MET: variants seen among roughly 807,000 people sequenced by gnomAD.
MET encodes the protein MET proto-oncogene, receptor tyrosine kinase.
A neutral mutation model predicts 133.1 loss-of-function variants in MET; 48 were observed. The observed-to-expected ratio is 0.36, with a 90% CI of 0.29 to 0.46. MET has a LOEUF of 0.46. MET is among the 20% of genes least tolerant of loss of function. The pLI, the probability that MET is intolerant of heterozygous loss-of-function variation, is 1.00. For missense variants in MET, 1,442 were observed against 1,695.9 expected, an observed-to-expected ratio of 0.85 and a Z score of 2.63; for synonymous variants, 628 against 616.5, an observed-to-expected ratio of 1.02 and a Z score of -0.28.
In MET at chr7:116,757,752, G is replaced by A. The variant is rs2116925025; in HGVS notation, c.2080G>A (p.Gly694Arg). ...SGNSRHISIGGKTCTLKSVSN... is the reference protein window; with the variant it reads ...SGNSRHISIGRKTCTLKSVSN... ...GAATTCTAGACACATTTCAATTGGTGGAAAAACATGTACTTTAAAAAGGTG... is the reference window on the plus strand; with the variant it reads ...GAATTCTAGACACATTTCAATTGGTAGAAAAACATGTACTTTAAAAAGGTG... Residue 694 changes from glycine (G) to arginine (R), a missense_variant, in exon 8 of 21, where the codon GGA (glycine) becomes AGA (arginine). Gly to Arg is a moderately radical substitution (Grantham distance 125, BLOSUM62 -2). This residue lies in a region of MET where 514 missense variants were observed against 659.6 expected (regional missense o/e 0.78). Transcript: ENST00000397752. The A allele has an allele frequency of 6.2e-7, 1 of 1,613,796 alleles. No individual in the cohort carries two copies. The highest frequency in any genetic ancestry group is 8.5e-7 in the Non-Finnish European group (1 of 1,179,858).
chr7:116,695,682 C>G, intron 1 of MET: 4 of 420,570 alleles, frequency 9.5e-6, no homozygotes, highest in South Asian at 7.3e-5. Flanking sequence ...AATCTTGGTT[C>G]TAACTGTGTG....
At chr7:116,781,046 C>G (rs914502628) in intron 17 of MET, among the ~76,000 whole-genome samples, 1 of 152,222 alleles carries the variant, frequency 6.6e-6, no homozygotes, top group Non-Finnish European at 1.5e-5. Context: ...CTAACCTCCT[C>G]CTTTATCAGG....
intron 2 of MET, among the ~76,000 whole-genome samples, chr7:116,709,354 A>C (rs1791911099): frequency 6.6e-6 from 1 of 152,176 alleles, no homozygotes; most frequent in South Asian, 2.1e-4. Flanking sequence ...TGTTGATTTT[A>C]TTTGATATAA....
At chr7:116,723,373 A>G (rs1268692132) in intron 2 of MET, among the ~76,000 whole-genome samples, 1 of 149,052 alleles carries the variant, frequency 6.7e-6, no homozygotes, top group Non-Finnish European at 1.5e-5. Flanking sequence ...TATTCTAGTT[A>G]TACATTCTTC....
chr7:116,701,423 A>G lies in MET; in HGVS notation c.1200+1139A>G, dbSNP rs557573157. On this transcript the variant is annotated intron_variant, in intron 2 of 20. Coordinates refer to ENST00000397752, the MANE Select transcript of MET (RefSeq NM_000245.4). ...ATAATTTGCTGAGGGGTAAAGGCAT[A>G]TGAATTCAGAGACATTTGGTTGACT... Among the ~76,000 whole-genome samples the G allele has an allele frequency of 4.6e-5, 7 of 152,304 alleles. No individual in the cohort carries two copies. The South Asian group carries it at 1.2e-3, about 27-fold the overall frequency.
intron 2 of MET, among the ~76,000 whole-genome samples, chr7:116,721,598 T>G (rs1792487549): frequency 6.6e-6 from 1 of 152,240 alleles, no homozygotes; most frequent in Non-Finnish European, 1.5e-5. Flanking sequence ...TTTGGAACTT[T>G]CCTGCTTTCT....
At chr7:116,784,972 G>A (rs914614864) in intron 19 of MET, among the ~76,000 whole-genome samples, 2 of 152,166 alleles carry the variant, frequency 1.3e-5, no homozygotes, top group Non-Finnish European at 2.9e-5. Flanking sequence ...CATTCCAAAC[G>A]GGAGAAATTG....
At chr7:116,753,749 C>A (rs1231742323) in intron 5 of MET, among the ~76,000 whole-genome samples, 1 of 152,100 alleles carries the variant, frequency 6.6e-6, no homozygotes. Flanking sequence ...TTAAATATTA[C>A]ATAATTTTTA....
In MET at chr7:116,757,620, T is replaced by C. The variant is rs1794234483; in HGVS notation, c.1966-18T>C. The C allele has an allele frequency of 6.2e-7, 1 of 1,613,870 alleles. No individual in the cohort carries two copies. The highest frequency in any genetic ancestry group is 1.7e-5 in the Admixed American group (1 of 59,974). On this transcript the variant is annotated intron_variant, in intron 7 of 20. Transcript: ENST00000397752. ...AAGATGAACAAGTTACTTTGTTTTGTTTTTATCTCCCCTCCAGGATCCTGT... is the reference window on the plus strand; with the variant it reads ...AAGATGAACAAGTTACTTTGTTTTGCTTTTATCTCCCCTCCAGGATCCTGT...
chr7:116,716,022 G>C (rs38853), intron 2 of MET, among the ~76,000 whole-genome samples: 109,013 of 151,888 alleles, frequency 0.72, 39,344 homozygotes, highest in East Asian at 0.9. Context: ...AGGTCGAGGT[G>C]GAAGGATTGC....
intron 2 of MET, among the ~76,000 whole-genome samples, chr7:116,702,222 G>A (rs1791606797): frequency 6.6e-6 from 1 of 152,054 alleles, no homozygotes; most frequent in Admixed American, 6.6e-5. Context: ...AAAAATTCTT[G>A]CGGGAAACAA....
intron 2 of MET, among the ~76,000 whole-genome samples, chr7:116,720,485 C>T (rs1792437539): frequency 7.4e-6 from 1 of 135,150 alleles, no homozygotes; most frequent in South Asian, 2.5e-4. Flanking sequence ...ATTTCCTTCT[C>T]CTGCCTGATT....
chr7:116,765,911 C>T (rs768039929), intron 11 of MET, among the ~76,000 whole-genome samples: 3 of 152,038 alleles, frequency 2.0e-5, no homozygotes, highest in Non-Finnish European at 2.9e-5. Flanking sequence ...AACTGGGGCT[C>T]ACACTCAGGC....
chr7:116,730,331 A>G (rs1792953662), intron 2 of MET, among the ~76,000 whole-genome samples: 1 of 152,220 alleles, frequency 6.6e-6, no homozygotes, highest in Admixed American at 6.5e-5. Context: ...GAAGTTGGGC[A>G]GGGGCCGGAT....
At chr7:116,690,747 G>A (rs548840877) in intron 1 of MET, among the ~76,000 whole-genome samples, 33 of 152,216 alleles carry the variant, frequency 2.2e-4, no homozygotes, top group Admixed American at 5.9e-4. Flanking sequence ...TTTAGATTTC[G>A]GAGTTTATCC....
At chr7:116,735,017 C>G (rs1793158115) in intron 3 of MET, among the ~76,000 whole-genome samples, 1 of 152,142 alleles carries the variant, frequency 6.6e-6, no homozygotes, top group Non-Finnish European at 1.5e-5. Flanking sequence ...GCATGACTGT[C>G]AGGCCAGGGA....
At chr7:116,725,988 G>A (rs1306976105) in intron 2 of MET, among the ~76,000 whole-genome samples, 1 of 148,248 alleles carries the variant, frequency 6.7e-6, no homozygotes, top group Non-Finnish European at 1.5e-5. Flanking sequence ...AGTGAGCTAC[G>A]AACACATCAC....
chr7:116,686,190 G>A (rs1796549447), intron 1 of MET, among the ~76,000 whole-genome samples: 1 of 152,010 alleles, frequency 6.6e-6, no homozygotes, highest in Admixed American at 6.5e-5. Flanking sequence ...AATCTCCCAG[G>A]GGCCTACAAG....
In MET at chr7:116,692,194, A is replaced by G. The variant is rs146856514; in HGVS notation, c.-14-6877A>G. ...CTCCTCTTTGAACCTCAGTTTTGTC[A>G]TCTGGAAACACAGGATAATGCTTAC... On this transcript the variant is annotated intron_variant, in intron 1 of 20. Coordinates refer to ENST00000397752, the MANE Select transcript of MET (RefSeq NM_000245.4). Among the ~76,000 whole-genome samples the G allele has an allele frequency of 3.1e-3, 465 of 152,320 alleles. 3 individuals carry two copies. Among genetic ancestry groups the G allele is most frequent in the African/African-American group, 9.5e-3 (393 of 41,580 alleles).
Sources: gnomAD v4.1 joint callset for allele counts (sites outside exome capture counted in the v4.1 genomes callset) on GRCh38, gnomAD v4.1.1 for gene constraint, gnomAD v4.1.1 regional missense constraint, MANE v1.5 for transcripts, NCBI Gene and HGNC (gene_info 2026-07-23, HGNC 2026-07-21) for gene names.